CLASP1: variants seen among roughly 807,000 people sequenced by gnomAD.
The protein encoded by CLASP1 is CLIP-associating protein 1.
CLASP1 carries 38 observed loss-of-function variants against 192.3 expected under a neutral mutation model. That is an observed-to-expected ratio of 0.20 (90% CI 0.15 to 0.26). The LOEUF (loss-of-function observed/expected upper bound fraction) is 0.26. Among genes scored for constraint, CLASP1 ranks in the 10% least tolerant of loss-of-function variants. The pLI, the probability that CLASP1 is intolerant of heterozygous loss-of-function variation, is 1.00. For missense variants in CLASP1, 1,433 were observed against 1,932.5 expected (o/e 0.74, Z 4.85); for synonymous variants, 691 against 712.8 (o/e 0.97, Z 0.49).
chr2:121,577,161 T>C lies in CLASP1; in HGVS notation c.195+28540A>G, dbSNP rs540884911. 5.9e-5 allele frequency among the ~76,000 whole-genome samples: 9 copies of C among 152,216 alleles called. No individual in the cohort carries two copies. The East Asian group carries it at 1.7e-3, about 29-fold the overall frequency. ...AAAAGCAGCAGAACACTGAGAGTTGTTGAAGCTGGATGATGAGTATGGAGG... is the reference window on the plus strand; with the variant it reads ...AAAAGCAGCAGAACACTGAGAGTTGCTGAAGCTGGATGATGAGTATGGAGG... On this transcript the variant is annotated intron_variant, in intron 2 of 39. Coordinates refer to ENST00000263710, the Ensembl canonical transcript of CLASP1.
Position 121,601,404 on chromosome 2 carries a change from C to A in CLASP1, c.195+4297G>T, listed in dbSNP as rs190540478. 7.1e-3 allele frequency among the ~76,000 whole-genome samples: 1,079 copies of A among 152,062 alleles called. 13 individuals are homozygous for A. The highest frequency in any genetic ancestry group is 0.024 in the African/African-American group (990 of 41,460). On this transcript the variant is annotated intron_variant, in intron 2 of 39. Transcript: ENST00000263710. ...TCTCCTACCTCAGCCTCCCAAGTAG[C>A]TGGGATTACAGGGTGTGCCACCATG...
At position 121,593,282 on chromosome 2, in the gene CLASP1, G is replaced by A. The variant is rs116468267; in HGVS notation, c.195+12419C>T. On this transcript the variant is annotated intron_variant, in intron 2 of 39. Transcript: ENST00000263710. ...TGACCTAATTCTTCAAAATTATTAAGCCAAGAAAAATAAGGAAAGACTGAC... is the reference window on the plus strand; with the variant it reads ...TGACCTAATTCTTCAAAATTATTAAACCAAGAAAAATAAGGAAAGACTGAC... 4.9e-3 allele frequency among the ~76,000 whole-genome samples: 747 copies of A among 152,196 alleles called. 8 individuals are homozygous for A. The highest frequency in any genetic ancestry group is 0.017 in the African/African-American group (724 of 41,504).
intron 2 of CLASP1, among the ~76,000 whole-genome samples, chr2:121,597,153 C>T (rs2105823157): frequency 6.6e-6 from 1 of 152,298 alleles, no homozygotes; most frequent in African/African-American, 2.4e-5. Flanking sequence ...GTTCAAGTCT[C>T]AGAAATCTTA....
chr2:121,594,582 G>A (rs1329182514), intron 2 of CLASP1, among the ~76,000 whole-genome samples: 1 of 151,722 alleles, frequency 6.6e-6, no homozygotes, highest in African/African-American at 2.4e-5. Flanking sequence ...TAGTAGAGAC[G>A]GGGTTTCACC....
chr2:121,619,108 C>T (rs982476493), intron 1 of CLASP1, among the ~76,000 whole-genome samples: 3 of 152,184 alleles, frequency 2.0e-5, no homozygotes, highest in Admixed American at 6.5e-5. Flanking sequence ...CAATGATTAA[C>T]TACAATGTAA....
intron 30 of CLASP1, 41 bp downstream of exon 31, chr2:121,397,099 A>G (rs1175364524): frequency 1.6e-5 from 26 of 1,605,268 alleles, no homozygotes; most frequent in Non-Finnish European, 2.1e-5. Flanking sequence ...ACACAAGCCC[A>G]GGAACAATCT....
intron 2 of CLASP1, among the ~76,000 whole-genome samples, chr2:121,581,025 A>T (rs1278113166): frequency 6.6e-6 from 1 of 152,216 alleles, no homozygotes; most frequent in Non-Finnish European, 1.5e-5. Flanking sequence ...ACGTGCAATC[A>T]GACCCCTCTG....
chr2:121,338,937 T>C (rs2062566335), exon 40 of CLASP1: 1 of 152,394 alleles, frequency 6.6e-6, no homozygotes, highest in Non-Finnish European at 1.5e-5. Context: ...ACTTGTAGAG[T>C]GTAAAAAAGA....
intron 22 of CLASP1, among the ~76,000 whole-genome samples, chr2:121,419,801 G>A (rs568944910): frequency 1.3e-5 from 2 of 152,232 alleles, no homozygotes; most frequent in African/African-American, 4.8e-5. Flanking sequence ...AATAGCTGAT[G>A]GGGACAATAT....
chr2:121,531,664 T>C (rs2094891076), intron 2 of CLASP1, among the ~76,000 whole-genome samples: 1 of 149,224 alleles, frequency 6.7e-6, no homozygotes, highest in Non-Finnish European at 1.5e-5. Context: ...GCTCAGGAGA[T>C]AGAGACCATC....
intron 9 of CLASP1, among the ~76,000 whole-genome samples, chr2:121,465,622 T>TCCCC (rs1364835504): frequency 6.6e-6 from 1 of 152,002 alleles, no homozygotes; most frequent in Admixed American, 6.6e-5. Context: ...TTCAATGCCA[T>TCCCC]CCCCATCAAG....
chr2:121,427,392 G>C lies in CLASP1; in HGVS notation c.2044+12C>G. 1 of 1,612,528 alleles carries C rather than the reference G, an allele frequency of 6.2e-7. No homozygotes were observed. The highest frequency in any genetic ancestry group is 1.3e-5 in the African/African-American group (1 of 75,024). On this transcript the variant is annotated intron_variant, in intron 21 of 39. Transcript: ENST00000263710. ...ACAACAACAAAAAAAGGCAAGAAGAGAAATGGCTTACCACCAGCAGGATTA... is the reference window on the plus strand; with the variant it reads ...ACAACAACAAAAAAAGGCAAGAAGACAAATGGCTTACCACCAGCAGGATTA...
chr2:121,461,599 A>G (rs1559294917), intron 10 of CLASP1, among the ~76,000 whole-genome samples: 2 of 152,316 alleles, frequency 1.3e-5, no homozygotes, highest in Middle Eastern at 3.4e-3. Flanking sequence ...TTACCTAGAA[A>G]ACAGGTAAGG....
At chr2:121,441,646 A>C (rs1052750205) in intron 19 of CLASP1, among the ~76,000 whole-genome samples, 2 of 152,108 alleles carry the variant, frequency 1.3e-5, no homozygotes, top group African/African-American at 2.4e-5. Flanking sequence ...TGGGGAGCTG[A>C]GGCAGGAGGA....
At chr2:121,411,039 C>T (rs1401439997) in intron 23 of CLASP1, 70 bp from the exon 25 acceptor site, 12 of 937,838 alleles carry the variant, frequency 1.3e-5, no homozygotes, top group Admixed American at 2.6e-5. Flanking sequence ...GCAAGGACTA[C>T]TGCCTCTTCC....
intron 2 of CLASP1, among the ~76,000 whole-genome samples, chr2:121,601,556 C>G (rs148040598): frequency 8.3e-4 from 127 of 152,262 alleles, no homozygotes; most frequent in African/African-American, 3.0e-3. Context: ...AGGCATGAGC[C>G]GTCGCACTCA....
chr2:121,447,252 T>C, intron 19 of CLASP1, 85 bp downstream of exon 19: 1 of 1,252,288 alleles, frequency 8.0e-7, no homozygotes, highest in Non-Finnish European at 1.1e-6. Context: ...CTTGCCTCAA[T>C]CATGGGTTTG....
chr2:121,602,777 C>T (rs555116656), intron 2 of CLASP1, among the ~76,000 whole-genome samples: 4 of 152,098 alleles, frequency 2.6e-5, no homozygotes, highest in Non-Finnish European at 5.9e-5. Flanking sequence ...AAAACTAGAT[C>T]CCCATCTCTC....
chr2:121,403,168 G>A (rs2076391279), intron 26 of CLASP1, among the ~76,000 whole-genome samples: 1 of 152,102 alleles, frequency 6.6e-6, no homozygotes, highest in South Asian at 2.1e-4. Context: ...ACTTTGCTGT[G>A]AGGGTCACAG....
Sources: allele counts gnomAD v4.1 joint callset (sites outside exome capture counted in the v4.1 genomes callset), GRCh38; gene constraint gnomAD v4.1.1; transcripts MANE v1.5; gene names NCBI Gene and HGNC (gene_info 2026-07-23, HGNC 2026-07-21).